Variants in PDE1C observed in about 807,000 individuals in gnomAD.
PDE1C encodes dual specificity calcium/calmodulin-dependent 3',5'-cyclic nucleotide phosphodiesterase 1C.
PDE1C carries 62 observed loss-of-function variants against 93.1 expected under a neutral mutation model. The ratio of observed to expected loss-of-function variants is 0.67; its 90% CI spans 0.54 to 0.82. The LOEUF is 0.82. Ranked by LOEUF, PDE1C falls within the 40% of genes least tolerant of loss-of-function variation. The pLI is 0.00. For missense variants in PDE1C, 742 were observed against 884.6 expected, an observed-to-expected ratio of 0.84 and a Z score of 2.04; for synonymous variants, 325 against 310.1, an observed-to-expected ratio of 1.05 and a Z score of -0.50.
At chr7:31,793,326 A>C (rs1278147392) in intron 16 of PDE1C, among the ~76,000 whole-genome samples, 2 of 152,056 alleles carry the variant, frequency 1.3e-5, no homozygotes, top group African/African-American at 2.4e-5. Context: ...CCCTCATAAG[A>C]ATTTGCCACT....
At chr7:31,840,403 T>C (rs1419945329) in intron 9 of PDE1C, among the ~76,000 whole-genome samples, 1 of 152,154 alleles carries the variant, frequency 6.6e-6, no homozygotes, top group East Asian at 1.9e-4. Flanking sequence ...GAATAATTTC[T>C]CCAATGTCTT....
intron 8 of PDE1C, among the ~76,000 whole-genome samples, chr7:31,848,351 C>T (rs1667148597): frequency 6.6e-6 from 1 of 152,136 alleles, no homozygotes; most frequent in South Asian, 2.1e-4. Flanking sequence ...AACTGTTTTA[C>T]AACCAGATCT....
In PDE1C at chr7:32,298,789, C is replaced by A. The variant is rs1203963941; in HGVS notation, c.-54G>T. ...AGCGAGACCAGCGGCGTCTGCGGTC[C>A]CCCCCACGGCGGAGTGAGCAGCCCG... On this transcript the variant is annotated 5_prime_UTR_variant, in exon 1 of 19. Coordinates refer to the PDE1C transcript ENST00000396193. 14 of 1,539,212 alleles carry A rather than the reference C, an allele frequency of 9.1e-6. No individual in the cohort carries two copies. In the East Asian group the frequency reaches 3.4e-4, roughly 38 times the overall value.
intron 16 of PDE1C, chr7:31,786,401 A>G (rs1413667911): frequency 6.6e-6 from 1 of 151,748 alleles, no homozygotes; most frequent in Admixed American, 6.6e-5. Context: ...GCAATTTCCT[A>G]TCTCTGGTAA....
chr7:31,716,162 T>G, the PDE1C span, among the ~76,000 whole-genome samples: 1 of 151,878 alleles, frequency 6.6e-6, no homozygotes, highest in Non-Finnish European at 1.5e-5. Flanking sequence ...TGGAAGGAGG[T>G]GCTCACATTC....
chr7:31,745,969 C>T, the PDE1C span, among the ~76,000 whole-genome samples: 1 of 152,034 alleles, frequency 6.6e-6, no homozygotes, highest in Non-Finnish European at 1.5e-5. Context: ...TCAGGAGTAC[C>T]CAGATCTCTC....
At chr7:31,954,491 C>A (rs1807853347) in intron 2 of PDE1C, among the ~76,000 whole-genome samples, 1 of 152,158 alleles carries the variant, frequency 6.6e-6, no homozygotes, top group African/African-American at 2.4e-5. Flanking sequence ...GGTTTCCTTT[C>A]CATTTTACAG....
intron 5 of PDE1C, among the ~76,000 whole-genome samples, chr7:31,874,305 T>C (rs1278203849): frequency 6.6e-6 from 1 of 152,242 alleles, no homozygotes; most frequent in Non-Finnish European, 1.5e-5. Context: ...GTGGATGTAG[T>C]AAACAAAGAT....
chr7:32,250,753 C>T (rs1383553088), intron 1 of PDE1C, among the ~76,000 whole-genome samples: 2 of 152,206 alleles, frequency 1.3e-5, no homozygotes, highest in Non-Finnish European at 2.9e-5. Context: ...AGAGTAAAGC[C>T]TTTCAAACTA....
At chr7:31,773,577 C>T (rs1298275511) in intron 17 of PDE1C, among the ~76,000 whole-genome samples, 1 of 151,892 alleles carries the variant, frequency 6.6e-6, no homozygotes, top group Non-Finnish European at 1.5e-5. Context: ...AGACGAGATG[C>T]GAGGGGCTTC....
intron 1 of PDE1C, among the ~76,000 whole-genome samples, chr7:32,237,060 C>G (rs941443093): frequency 6.7e-6 from 1 of 150,164 alleles, no homozygotes; most frequent in African/African-American, 2.4e-5. Context: ...TTACATACTG[C>G]ATGAATCTAT....
intron 1 of PDE1C, among the ~76,000 whole-genome samples, chr7:32,263,038 C>T (rs193069882): frequency 1.3e-5 from 2 of 152,268 alleles, no homozygotes; most frequent in East Asian, 3.9e-4. Flanking sequence ...CCAGTTTCCT[C>T]CTTTCAGTCA....
chr7:31,931,524 C>T (rs1287118219), intron 2 of PDE1C, among the ~76,000 whole-genome samples: 2 of 152,142 alleles, frequency 1.3e-5, no homozygotes, highest in Non-Finnish European at 2.9e-5. Flanking sequence ...AGGAATACAA[C>T]TTACAAACGA....
At chr7:31,671,581 C>A in the PDE1C span, among the ~76,000 whole-genome samples, 101 of 152,276 alleles carry the variant, frequency 6.6e-4, no homozygotes, top group Non-Finnish European at 1.1e-3. Flanking sequence ...CACCCCACCA[C>A]ACCCCTCCAA....
the PDE1C span, chr7:31,692,460 A>G: frequency 6.2e-7 from 1 of 1,611,578 alleles, no homozygotes; most frequent in Non-Finnish European, 8.5e-7. Context: ...CACTGAGCAA[A>G]TGCAGCCACT....
At chr7:31,826,318 A>G (rs1789660511) in intron 12 of PDE1C, among the ~76,000 whole-genome samples, 1 of 152,196 alleles carries the variant, frequency 6.6e-6, no homozygotes, top group Admixed American at 6.5e-5. Flanking sequence ...ACAAAACAAG[A>G]ATTGTCTCAA....
intron 1 of PDE1C, among the ~76,000 whole-genome samples, chr7:32,314,926 A>G (rs763219145): frequency 9.2e-5 from 14 of 151,398 alleles, no homozygotes; most frequent in Non-Finnish European, 1.5e-4. Flanking sequence ...TGGACAATAA[A>G]TATGTTCCTT....
At chr7:31,717,267 G>T in the PDE1C span, among the ~76,000 whole-genome samples, 1 of 152,172 alleles carries the variant, frequency 6.6e-6, no homozygotes, top group Non-Finnish European at 1.5e-5. Flanking sequence ...TATTTAAAAA[G>T]TTAGTGAATG....
chr7:31,760,128 T>G (rs1233026646), intron 17 of PDE1C, among the ~76,000 whole-genome samples: 1 of 152,222 alleles, frequency 6.6e-6, no homozygotes, highest in South Asian at 2.1e-4. Flanking sequence ...CAAATTTAAC[T>G]GAGTTAAACT....
Sources: gnomAD v4.1 joint callset for allele counts (sites outside exome capture counted in the v4.1 genomes callset) on GRCh38, gnomAD v4.1.1 for gene constraint, MANE v1.5 for transcripts, NCBI Gene and HGNC (gene_info 2026-07-23, HGNC 2026-07-21) for gene names.